KCNIP1: variants seen among roughly 807,000 people sequenced by gnomAD.
KCNIP1 encodes A-type potassium channel modulatory protein KCNIP1.
A neutral mutation model predicts 33.0 loss-of-function variants in KCNIP1; 18 were observed. That is an observed-to-expected ratio of 0.55 (90% CI 0.38 to 0.81). KCNIP1 has a LOEUF of 0.81. KCNIP1 is among the 30% of genes least tolerant of loss of function. The pLI is 0.00. For synonymous variants in KCNIP1, 93 were observed against 98.3 expected, an observed-to-expected ratio of 0.95 and a Z score of 0.32; for missense variants, 238 against 271.6, an observed-to-expected ratio of 0.88 and a Z score of 0.87.
intron 1 of KCNIP1, chr5:170,561,240 G>A: frequency 2.5e-6 from 1 of 398,094 alleles, no homozygotes; most frequent in Non-Finnish European, 5.1e-6. Context: ...CGCTCTGCTT[G>A]GCTGGCCCCT....
At chr5:170,613,306 G>A (rs1156259767) in intron 1 of KCNIP1, among the ~76,000 whole-genome samples, 1 of 152,144 alleles carries the variant, frequency 6.6e-6, no homozygotes, top group Non-Finnish European at 1.5e-5. Context: ...TTAATTCATT[G>A]TCACATCCCT....
At chr5:170,456,846 GT>G (rs1343638976) in intron 1 of KCNIP1, among the ~76,000 whole-genome samples, 1 of 151,998 alleles carries the variant, frequency 6.6e-6, no homozygotes, top group African/African-American at 2.4e-5. Flanking sequence ...AGACTCTCGA[GT>G]AGCTGGAACC....
chr5:170,368,385 C>A lies in KCNIP1; in HGVS notation c.88+14421C>A, dbSNP rs150548478. 2.8e-3 allele frequency among the ~76,000 whole-genome samples: 420 copies of A among 152,244 alleles called. 4 individuals are homozygous for A. Among genetic ancestry groups the A allele is most frequent in the African/African-American group, 9.5e-3 (393 of 41,536 alleles). The stretch of plus-strand genomic sequence containing the variant: ...GTTCAAGTGATTCTTGTGCCTCAGC[C>A]TCCCAAGAAGCTGGGACTACAGGTG... On this transcript the variant is annotated intron_variant, in intron 1 of 7. Coordinates refer to the KCNIP1 transcript ENST00000377360.
chr5:170,672,544 A>T (rs1471008541), intron 1 of KCNIP1, among the ~76,000 whole-genome samples: 1 of 152,264 alleles, frequency 6.6e-6, no homozygotes, highest in Non-Finnish European at 1.5e-5. Context: ...ATTTTAAAAA[A>T]ATATAAGATT....
intron 1 of KCNIP1, among the ~76,000 whole-genome samples, chr5:170,612,886 T>C (rs1242870743): frequency 6.6e-6 from 1 of 152,170 alleles, no homozygotes; most frequent in Non-Finnish European, 1.5e-5. Context: ...AGTCAATCTA[T>C]AGGGCCCGCT....
chr5:170,708,274 T>G (rs1392740675), intron 1 of KCNIP1, among the ~76,000 whole-genome samples: 1 of 152,140 alleles, frequency 6.6e-6, no homozygotes, highest in Non-Finnish European at 1.5e-5. Flanking sequence ...CAAACCATGT[T>G]TAAGGGGAAG....
At chr5:170,426,065 G>A (rs942597295) in intron 1 of KCNIP1, among the ~76,000 whole-genome samples, 2 of 152,158 alleles carry the variant, frequency 1.3e-5, no homozygotes, top group Non-Finnish European at 1.5e-5. Flanking sequence ...CCTGGTGGCC[G>A]CTTCTCCAGC....
rs1206059557 is a variant in KCNIP1, at chr5:170,714,602, A to G, written c.62-4156A>G. Among the ~76,000 whole-genome samples, 5 of 152,206 alleles carry G rather than the reference A, an allele frequency of 3.3e-5. 1 individual carries two copies. The highest frequency in any genetic ancestry group is 2.0e-4 in the Admixed American group (3 of 15,284). ...CAGAGCTAAAAAATTCCTATTGCCCAGTGACTTCTTGAGGTTCCTGACCCT... is the reference window on the plus strand; with the variant it reads ...CAGAGCTAAAAAATTCCTATTGCCCGGTGACTTCTTGAGGTTCCTGACCCT... On this transcript the variant is annotated intron_variant, in intron 1 of 7. Transcript: ENST00000328939.
At chr5:170,520,513 A>G (rs1372246126) in intron 1 of KCNIP1, among the ~76,000 whole-genome samples, 1 of 152,198 alleles carries the variant, frequency 6.6e-6, no homozygotes, top group Non-Finnish European at 1.5e-5. Context: ...GGCCTCGCAC[A>G]TCATTGGAAC....
chr5:170,684,023 C>T (rs1205228766), intron 1 of KCNIP1, among the ~76,000 whole-genome samples: 4 of 151,896 alleles, frequency 2.6e-5, no homozygotes, highest in Middle Eastern at 3.2e-3. Flanking sequence ...TCCCAAAGTG[C>T]TGGGATTACA....
At chr5:170,544,251 TA>T (rs1056793276) in intron 1 of KCNIP1, among the ~76,000 whole-genome samples, 3 of 152,032 alleles carry the variant, frequency 2.0e-5, no homozygotes, top group African/African-American at 7.2e-5. Context: ...CAATTTCTAC[TA>T]AAAATAATAA....
At chr5:170,732,285 G>A (rs770109200) in intron 5 of KCNIP1, among the ~76,000 whole-genome samples, 2 of 152,064 alleles carry the variant, frequency 1.3e-5, no homozygotes, top group Non-Finnish European at 2.9e-5. Flanking sequence ...GAGTCCTAAG[G>A]TTCTCTGATT....
Position 170,527,653 on chromosome 5 carries a change from T to A in KCNIP1, c.61+23020T>A, listed in dbSNP as rs370718950. Among the ~76,000 whole-genome samples, 79 of 151,244 alleles carry A rather than the reference T, an allele frequency of 5.2e-4. 2 individuals carry two copies. The highest frequency in any genetic ancestry group is 4.5e-3 in the East Asian group (23 of 5,088). ...AAGACCCATGGCAGGCTGTCACTAG[T>A]GATTTTGCTTAGGTACAAACTTGAA... On this transcript the variant is annotated intron_variant, in intron 1 of 7. Coordinates refer to ENST00000328939, the MANE Select transcript of KCNIP1 (RefSeq NM_014592.4).
Position 170,603,633 on chromosome 5 carries a change from C to T in KCNIP1, c.61+99000C>T, listed in dbSNP as rs561867883. 1.5e-4 allele frequency among the ~76,000 whole-genome samples: 23 copies of T among 152,188 alleles called. No individual in the cohort carries two copies. In the South Asian group the frequency reaches 3.1e-3, roughly 21 times the overall value. On this transcript the variant is annotated intron_variant, in intron 1 of 7. Transcript: ENST00000328939. ...CAGTGGAGGGATGGGAGGGTAGGGA[C>T]GCAGTGGTGACCAGCTAGCCAGATA...
chr5:170,378,544 G>A (rs1489303742), intron 1 of KCNIP1: 1 of 821,778 alleles, frequency 1.2e-6, no homozygotes, highest in African/African-American at 1.7e-5. Context: ...TTCACAAAAG[G>A]ATTTCTCAAA....
intron 1 of KCNIP1, among the ~76,000 whole-genome samples, chr5:170,533,782 T>C (rs972873838): frequency 1.3e-5 from 2 of 152,186 alleles, no homozygotes; most frequent in African/African-American, 4.8e-5. Context: ...CAATATCAGA[T>C]TTCTCCTATT....
upstream of KCNIP1, among the ~76,000 whole-genome samples, chr5:170,499,334 C>G (rs562658951): frequency 6.6e-6 from 1 of 152,334 alleles, no homozygotes; most frequent in South Asian, 2.1e-4. Context: ...GTCTGGCCCA[C>G]AGCAACAGGA....
At chr5:170,525,791 A>G (rs1227298945) in intron 1 of KCNIP1, among the ~76,000 whole-genome samples, 1 of 152,206 alleles carries the variant, frequency 6.6e-6, no homozygotes, top group Non-Finnish European at 1.5e-5. Context: ...GGTTGAAGGA[A>G]GTAATTCCAG....
chr5:170,528,080 A>G lies in KCNIP1; in HGVS notation c.61+23447A>G, dbSNP rs541917693. The stretch of plus-strand genomic sequence containing the variant: ...CTTAGGAACCCTCCCAGGAGCCTCA[A>G]GGATTGACTGCAGTAGGAGCTCAAA... On this transcript the variant is annotated intron_variant, in intron 1 of 7. Coordinates refer to ENST00000328939, the MANE Select transcript of KCNIP1 (RefSeq NM_014592.4). 2.6e-5 allele frequency among the ~76,000 whole-genome samples: 4 copies of G among 152,280 alleles called. No individual in the cohort carries two copies. In the East Asian group the frequency reaches 7.7e-4, roughly 29 times the overall value.
Sources: gnomAD v4.1 joint callset for allele counts (sites outside exome capture counted in the v4.1 genomes callset) on GRCh38, gnomAD v4.1.1 for gene constraint, MANE v1.5 for transcripts, NCBI Gene and HGNC (gene_info 2026-07-23, HGNC 2026-07-21) for gene names.